ASRGL1: variants seen among roughly 807,000 people sequenced by gnomAD.
The protein encoded by ASRGL1 is asparaginase and isoaspartyl peptidase 1.
ASRGL1 carries 16 observed loss-of-function variants against 22.4 expected under a neutral mutation model. The observed-to-expected ratio is 0.71, with a 90% confidence interval of 0.48 to 1.08. ASRGL1 has a LOEUF of 1.08. Ranked by LOEUF, ASRGL1 falls within the 50% of genes least tolerant of loss-of-function variation. The probability of loss-of-function intolerance (pLI) is 0.00; values close to 1 mark genes in which losing one functional copy is unlikely to be tolerated. For synonymous variants in ASRGL1, 165 were observed against 159.3 expected (o/e 1.04, Z -0.27); for missense variants, 412 against 410.1 (o/e 1.00, Z -0.04).
At chr11:62,357,197 T>C in intron 4 of ASRGL1, 53 bp downstream of exon 4, 1 of 1,566,690 alleles carries the variant, frequency 6.4e-7, no homozygotes, top group South Asian at 1.2e-5. Flanking sequence ...ATATGAAAGT[T>C]TGGCAAATAC....
chr11:62,364,885 A>G (rs559092989), intron 4 of ASRGL1, among the ~76,000 whole-genome samples: 1 of 152,162 alleles, frequency 6.6e-6, no homozygotes, highest in East Asian at 1.9e-4. Context: ...CCTGGCCAAC[A>G]TGGCGAAACC....
Position 62,338,073 on chromosome 11 carries a change from C to T in ASRGL1, c.96C>T (p.Thr32=), listed in dbSNP as rs148079160. Residue 32 remains threonine (T), a synonymous_variant, in exon 2 of 7, where the codon ACC becomes ACT. Transcript: ENST00000415229. The stretch of plus-strand genomic sequence containing the variant: ...ACCAGGGCATGGTCAGAGCCGCCAC[C>T]GTGGGCTACGGCATCCTCCGGGAGG... ...RVHQGMVRAA[T]VGYGILREGG... 130 of 1,607,860 alleles carry T rather than the reference C, an allele frequency of 8.1e-5. No individual in the cohort carries two copies. Among genetic ancestry groups the T allele is most frequent in the Non-Finnish European group, 1.1e-4 (126 of 1,177,660 alleles).
At chr11:62,359,331 A>C (rs530332357) in intron 4 of ASRGL1, among the ~76,000 whole-genome samples, 2 of 152,166 alleles carry the variant, frequency 1.3e-5, no homozygotes, top group African/African-American at 2.4e-5. Context: ...CTGTAATCCC[A>C]GCTACTCAGA....
At chr11:62,347,063 T>C (rs1221347268) in intron 2 of ASRGL1, among the ~76,000 whole-genome samples, 2 of 152,162 alleles carry the variant, frequency 1.3e-5, no homozygotes, top group African/African-American at 4.8e-5. Flanking sequence ...ACCCAAACTT[T>C]GATGTGATTC....
intron 4 of ASRGL1, chr11:62,371,404 C>T: frequency 1.7e-6 from 1 of 587,728 alleles, no homozygotes; most frequent in South Asian, 2.1e-5. Context: ...CGAACCCGAG[C>T]ACACCAAGAA....
In ASRGL1 at chr11:62,356,969, C is replaced by A. The variant is rs754768361; in HGVS notation, c.334-18C>A. The A allele has an allele frequency of 3.2e-6, 5 of 1,567,286 alleles. No homozygotes were observed. In the Admixed American group the frequency reaches 8.5e-5, roughly 27 times the overall value. ...ATTTTCAAAAAAACAATCATTTTCTCTTTTCTTTCTGGCTCAGACACCTCA... is the reference window on the plus strand; with the variant it reads ...ATTTTCAAAAAAACAATCATTTTCTATTTTCTTTCTGGCTCAGACACCTCA... On this transcript the variant is annotated intron_variant, in intron 3 of 6. Coordinates refer to ENST00000415229, the MANE Select transcript of ASRGL1 (RefSeq NM_001083926.2).
chr11:62,373,898 G>C (rs578035818), intron 4 of ASRGL1, among the ~76,000 whole-genome samples: 1 of 152,354 alleles, frequency 6.6e-6, no homozygotes, highest in South Asian at 2.1e-4. Flanking sequence ...TGGGGACTTG[G>C]GGGTGGAGCA....
rs1298567310 is a variant in ASRGL1, at chr11:62,357,003, T to C, written c.350T>C (p.Leu117Pro). The C allele has an allele frequency of 1.2e-6, 2 of 1,605,524 alleles. No individual in the cohort carries two copies. Among genetic ancestry groups the C allele is most frequent in the African/African-American group, 2.7e-5 (2 of 74,152 alleles). The change falls in exon 4 of 7, where the codon CTG becomes CCG. Residue 117 changes from leucine (L) to proline (P), a missense_variant. Physicochemically the swap from Leu to Pro is moderately conservative, Grantham distance 98. Transcript: ENST00000415229. Reference sequence around the variant, plus strand: ...CTGGCTCAGACACCTCATTGCTTTCTGACTGACCAAGGCGCAGCGCAGTTT... The same window carrying C: ...CTGGCTCAGACACCTCATTGCTTTCCGACTGACCAAGGCGCAGCGCAGTTT... ...LVMEKTPHCF[L>P]TDQGAAQFAA... is the part of the protein sequence containing the mutation.
Position 62,357,137 on chromosome 11 carries a change from T to A in ASRGL1, c.484T>A (p.Cys162Ser). Reference sequence around the variant, plus strand: ...TGAAAAAGGTGCTCAGAAAACAGATTGTCAAAAGTAAGTCTTACCTGTGGC... The same window carrying A: ...TGAAAAAGGTGCTCAGAAAACAGATAGTCAAAAGTAAGTCTTACCTGTGGC... ...KHEKGAQKTDCQKNLGTVGAV... is the reference protein window; with the variant it reads ...KHEKGAQKTDSQKNLGTVGAV... The change falls in exon 4 of 7, where the codon TGT becomes AGT. Residue 162 changes from cysteine (C) to serine (S), a missense_variant. By Grantham distance (112) the Cys-to-Ser change is moderately radical (BLOSUM62 -1). Transcript: ENST00000415229. The A allele has an allele frequency of 2.5e-6, 4 of 1,612,928 alleles. No homozygotes were observed. In the South Asian group the frequency reaches 3.3e-5, roughly 13 times the overall value.
At chr11:62,361,401 G>T (rs370995577) in intron 4 of ASRGL1, among the ~76,000 whole-genome samples, 14 of 150,310 alleles carry the variant, frequency 9.3e-5, no homozygotes, top group Non-Finnish European at 1.2e-4. Flanking sequence ...GCCCAGGCTC[G>T]TCTTAAGCTC....
chr11:62,378,717 C>T (rs547159135), intron 4 of ASRGL1, among the ~76,000 whole-genome samples: 5 of 152,150 alleles, frequency 3.3e-5, no homozygotes, highest in African/African-American at 1.2e-4. Flanking sequence ...CAGGAGAATT[C>T]CAAGGCGAGA....
chr11:62,394,181 AATAT>A (rs1351778563), downstream of ASRGL1, among the ~76,000 whole-genome samples: 6 of 138,452 alleles, frequency 4.3e-5, no homozygotes, highest in East Asian at 7.9e-4. Context: ...ATATCATATA[AATAT>A]ATATACTATT....
At chr11:62,374,609 T>C (rs953158804) in intron 4 of ASRGL1, among the ~76,000 whole-genome samples, 1 of 152,152 alleles carries the variant, frequency 6.6e-6, no homozygotes, top group Non-Finnish European at 1.5e-5. Context: ...CTAGTTGTTG[T>C]TACTTTTTTC....
At chr11:62,377,884 T>C (rs559179954) in intron 4 of ASRGL1, among the ~76,000 whole-genome samples, 162 of 152,332 alleles carry the variant, frequency 1.1e-3, no homozygotes, top group African/African-American at 3.7e-3. Flanking sequence ...ATTTTGAACA[T>C]TGATGCCTGC....
chr11:62,356,142 C>T (rs867783985), intron 2 of ASRGL1, among the ~76,000 whole-genome samples, 183 bp from the exon 3 acceptor site: 1 of 152,202 alleles, frequency 6.6e-6, no homozygotes, highest in African/African-American at 2.4e-5. Context: ...TTGGGTACAC[C>T]TCCCAGACAG....
chr11:62,401,129 C>T, the ASRGL1 span, among the ~76,000 whole-genome samples: 4 of 152,220 alleles, frequency 2.6e-5, no homozygotes, highest in African/African-American at 4.8e-5. Context: ...CAAGGCCAAC[C>T]GCATTGCCAT....
In ASRGL1 at chr11:62,338,848, G is replaced by A. The variant is rs1945793652; in HGVS notation, c.190+681G>A. Among the ~76,000 whole-genome samples, 7 of 146,632 alleles carry A rather than the reference G, an allele frequency of 4.8e-5. No individual in the cohort carries two copies. The South Asian group carries it at 1.5e-3, about 31-fold the overall frequency. On this transcript the variant is annotated intron_variant, in intron 2 of 6. Transcript: ENST00000415229. The stretch of plus-strand genomic sequence containing the variant: ...TAACCCCAGCTACTCGGGAGGCCGA[G>A]GCAGGAGAATAGCTTGAACCTGAGA...
At chr11:62,379,947 C>T (rs1947023018) in intron 4 of ASRGL1, among the ~76,000 whole-genome samples, 1 of 151,718 alleles carries the variant, frequency 6.6e-6, no homozygotes, top group South Asian at 2.1e-4. Flanking sequence ...TTCTTTTTTA[C>T]ATCTTGGACA....
the ASRGL1 span, among the ~76,000 whole-genome samples, chr11:62,398,964 T>G: frequency 1.3e-5 from 2 of 152,044 alleles, no homozygotes; most frequent in African/African-American, 4.8e-5. Flanking sequence ...AGGTTAGGAG[T>G]TGAAGACCAA....
Sources: allele counts gnomAD v4.1 joint callset (sites outside exome capture counted in the v4.1 genomes callset), GRCh38; gene constraint gnomAD v4.1.1; transcripts MANE v1.5; gene names NCBI Gene and HGNC (gene_info 2026-07-23, HGNC 2026-07-21).